The following KIF13A variants were observed in gnomAD, a reference collection of about 807,000 sequenced individuals.
The protein encoded by KIF13A is kinesin family member 13A, also known as kinesin-like protein KIF13A.
A neutral mutation model predicts 212.2 loss-of-function variants in KIF13A; 79 were observed. The observed-to-expected ratio is 0.37, with a 90% confidence interval of 0.31 to 0.45. The LOEUF (loss-of-function observed/expected upper bound fraction) is 0.45, where lower values mean the gene tolerates loss of function less well. KIF13A is among the 20% of genes least tolerant of loss of function. KIF13A has a pLI of 1.00. For synonymous variants in KIF13A, 789 were observed against 808.6 expected (o/e 0.98, Z 0.41); for missense variants, 1,901 against 2,209.0 (o/e 0.86, Z 2.79).
Position 17,780,918 on chromosome 6 carries a change from G to A in KIF13A, c.3670-12C>T. The A allele has an allele frequency of 1.2e-6, 2 of 1,608,850 alleles. No individual in the cohort carries two copies. ...GCTGTGGCTGAAACCTAGGAGTTGG[G>A]GAATGATGAGGAGATGGAAACAAGA... On this transcript the variant is annotated splice_polypyrimidine_tract_variant and intron_variant, in intron 30 of 38. Coordinates refer to ENST00000259711, the MANE Select transcript of KIF13A (RefSeq NM_022113.6).
intron 4 of KIF13A, among the ~76,000 whole-genome samples, chr6:17,866,179 T>C (rs1307951692): frequency 1.3e-5 from 2 of 152,170 alleles, no homozygotes; most frequent in African/African-American, 4.8e-5. Context: ...CCCCTCTCTC[T>C]GACAAAGAAG....
chr6:17,954,264 A>C (rs1210492400), intron 2 of KIF13A, among the ~76,000 whole-genome samples: 2 of 150,040 alleles, frequency 1.3e-5, no homozygotes, highest in Admixed American at 1.3e-4. Context: ...AGGTGGCACC[A>C]CTGCACTCCA....
intron 2 of KIF13A, among the ~76,000 whole-genome samples, chr6:17,946,995 TTTA>T (rs1171012301): frequency 1.3e-5 from 2 of 152,242 alleles, no homozygotes; most frequent in African/African-American, 4.8e-5. Flanking sequence ...TGGGTGAATT[TTTA>T]TTATATGTAA....
At chr6:17,964,477 T>C (rs892774009) in intron 2 of KIF13A, among the ~76,000 whole-genome samples, 1 of 152,032 alleles carries the variant, frequency 6.6e-6, no homozygotes, top group Non-Finnish European at 1.5e-5. Context: ...AAAATTAAAA[T>C]AAGTACTAAA....
rs1171184593 is a variant in KIF13A at position 17,825,677 on chromosome 6, C to T, written c.1786+91G>A. On this transcript the variant is annotated intron_variant, in intron 16 of 38. Transcript: ENST00000259711. The surrounding 1 kb of genome is among the most constrained non-coding windows in gnomAD (Gnocchi z 4.5). ...TTTTATGTGTTTAAAATGTGGAATG[C>T]GGAATGACACCTGATGCATGCTTAT... 1.2e-5 allele frequency: 14 copies of T among 1,213,178 alleles called. No individual in the cohort carries two copies. Among genetic ancestry groups the T allele is most frequent in the African/African-American group, 1.5e-5 (1 of 65,544 alleles). 75.2% of individuals were successfully genotyped at this position (1,213,178 alleles called of 1,614,324 possible). A position where few individuals can be genotyped will look rare whatever the true frequency, so the allele number is the denominator to read the frequency against.
Position 17,816,052 on chromosome 6 carries a change from C to T in KIF13A, c.2000+968G>A, listed in dbSNP as rs965823680. ...CCTCCCAAGTAGCTGGGATTACAGG[C>T]GCCTGCCACCATGCGCTGCTATTTT... On this transcript the variant is annotated intron_variant, in intron 17 of 38. Transcript: ENST00000259711. This position sits in a 1 kb window ranked among gnomAD's most constrained non-coding sequence, Gnocchi z 4.3. Among the ~76,000 whole-genome samples, 18 of 151,780 alleles carry T rather than the reference C, an allele frequency of 1.2e-4. No homozygotes were observed. Among genetic ancestry groups the T allele is most frequent in the South Asian group, 2.1e-4 (1 of 4,800 alleles).
At chr6:17,894,892 T>C (rs1004933628) in intron 3 of KIF13A, among the ~76,000 whole-genome samples, 1 of 152,142 alleles carries the variant, frequency 6.6e-6, no homozygotes, top group African/African-American at 2.4e-5. Context: ...ATCCCAGGGA[T>C]TGATAGAAAG....
At chr6:17,778,163 TA>T (rs1760169606) in intron 33 of KIF13A, among the ~76,000 whole-genome samples, 1 of 151,968 alleles carries the variant, frequency 6.6e-6, no homozygotes, top group African/African-American at 2.4e-5. Context: ...AATAAATAAA[TA>T]AAACCAGGAA....
At chr6:17,970,852 T>C (rs888926949) in intron 2 of KIF13A, among the ~76,000 whole-genome samples, 17 of 152,214 alleles carry the variant, frequency 1.1e-4, no homozygotes, top group African/African-American at 4.1e-4. Context: ...CAACACTTGA[T>C]AGTGCTTTAC....
intron 6 of KIF13A, among the ~76,000 whole-genome samples, chr6:17,853,016 C>T (rs922696818): frequency 6.6e-6 from 1 of 152,138 alleles, no homozygotes; most frequent in Non-Finnish European, 1.5e-5. Flanking sequence ...ATATTGTGCA[C>T]ACCATCTTTT....
In KIF13A at chr6:17,783,848, C is replaced by A; in HGVS notation, c.3489-147G>T. On this transcript the variant is annotated intron_variant, in intron 28 of 38. Coordinates refer to ENST00000259711, the MANE Select transcript of KIF13A (RefSeq NM_022113.6). The surrounding 1 kb of genome is among the most constrained non-coding windows in gnomAD (Gnocchi z 4.3). ...GAAATACTTTCATATTTCTTGACTT[C>A]CCTGTAGACATAAATCATGGGAATT... is the stretch of plus-strand genomic sequence containing the variant. The A allele has an allele frequency of 1.6e-6, 1 of 641,168 alleles. No individual in the cohort carries two copies. Among genetic ancestry groups the A allele is most frequent in the Non-Finnish European group, 2.8e-6 (1 of 359,620 alleles). The allele number at this position is 641,168 out of a possible 1,614,324, so 39.7% of individuals were successfully genotyped here.
At position 17,971,365 on chromosome 6, in the gene KIF13A, C is replaced by A. The variant is rs1475874584; in HGVS notation, c.146+15689G>T. On this transcript the variant is annotated intron_variant, in intron 2 of 38. Coordinates refer to ENST00000259711, the MANE Select transcript of KIF13A (RefSeq NM_022113.6). The surrounding 1 kb of genome is among the most constrained non-coding windows in gnomAD (Gnocchi z 4.2). The stretch of plus-strand genomic sequence containing the variant: ...CTGAGATTATGTCCTTTCTCCTATT[C>A]TGGTGTTAAGCTGACCTCTATTTTA... Among the ~76,000 whole-genome samples the A allele has an allele frequency of 6.6e-6, 1 of 152,156 alleles. No individual in the cohort carries two copies. Among genetic ancestry groups the A allele is most frequent in the Non-Finnish European group, 1.5e-5 (1 of 68,028 alleles).
chr6:17,896,585 T>A (rs1772587490), intron 3 of KIF13A, among the ~76,000 whole-genome samples: 1 of 152,180 alleles, frequency 6.6e-6, no homozygotes, highest in Non-Finnish European at 1.5e-5. Context: ...CATATACACA[T>A]TGTTTAACAT....
At chr6:17,950,486 T>TA in intron 2 of KIF13A, 1 of 985,188 alleles carries the variant, frequency 1.0e-6, no homozygotes, top group Non-Finnish European at 1.2e-6. Context: ...TTTACCTTCT[T>TA]ACACTCTTTA....
At position 17,768,963 on chromosome 6, in the gene KIF13A, T is replaced by G. The variant is rs567363609; in HGVS notation, c.4581+2151A>C. On this transcript the variant is annotated intron_variant, in intron 38 of 38. Transcript: ENST00000259711. The surrounding 1 kb of genome is among the most constrained non-coding windows in gnomAD (Gnocchi z 5.4). ...AAAATATTGCTTAAAGAATCAAGCA[T>G]AGCCATGTTTACTATATTTTATGTG... 1.3e-5 allele frequency among the ~76,000 whole-genome samples: 2 copies of G among 150,260 alleles called. No homozygotes were observed. Among genetic ancestry groups the G allele is most frequent in the South Asian group, 4.2e-4 (2 of 4,724 alleles).
chr6:17,926,863 C>T lies in KIF13A; in HGVS notation c.147-28683G>A, dbSNP rs188244687. 3.3e-5 allele frequency among the ~76,000 whole-genome samples: 5 copies of T among 152,054 alleles called. No individual in the cohort carries two copies. Among genetic ancestry groups the T allele is most frequent in the Non-Finnish European group, 7.4e-5 (5 of 68,026 alleles). On this transcript the variant is annotated intron_variant, in intron 2 of 38. Coordinates refer to ENST00000259711, the MANE Select transcript of KIF13A (RefSeq NM_022113.6). The surrounding 1 kb of genome is among the most constrained non-coding windows in gnomAD (Gnocchi z 4.3). ...AAAAGAAGAGAAAGCAGGGACTGGGCGCGGTGGCTCATACCTGTAATCTCG... is the reference window on the plus strand; with the variant it reads ...AAAAGAAGAGAAAGCAGGGACTGGGTGCGGTGGCTCATACCTGTAATCTCG...
chr6:17,822,043 C>CCTTTT, intron 16 of KIF13A: 1 of 585,334 alleles, frequency 1.7e-6, no homozygotes, highest in Non-Finnish European at 2.7e-6. Flanking sequence ...AACATAACTT[C>CCTTTT]TTTTTTTTTT....
intron 4 of KIF13A, among the ~76,000 whole-genome samples, chr6:17,860,465 G>A (rs1402675229): frequency 6.6e-6 from 1 of 152,002 alleles, no homozygotes; most frequent in Non-Finnish European, 1.5e-5. Flanking sequence ...CTGGGATTAC[G>A]TGTGAGCCAC....
Position 17,856,219 on chromosome 6 carries a change from T to C in KIF13A, c.221-97A>G. 2.3e-6 allele frequency: 2 copies of C among 868,320 alleles called. No homozygotes were observed. Among genetic ancestry groups the C allele is most frequent in the Non-Finnish European group, 3.7e-6 (2 of 547,342 alleles). The allele number at this position is 868,320 out of a possible 1,614,324, so 53.8% of individuals were successfully genotyped here. Reference sequence around the variant, plus strand: ...ATATTATGTCAATTCAAAAAAATGTTAAAAGTGTAGTACCGAGTGCCCACT... The same window carrying C: ...ATATTATGTCAATTCAAAAAAATGTCAAAAGTGTAGTACCGAGTGCCCACT... On this transcript the variant is annotated intron_variant, in intron 4 of 38. Coordinates refer to ENST00000259711, the MANE Select transcript of KIF13A (RefSeq NM_022113.6). This position sits in a 1 kb window ranked among gnomAD's most constrained non-coding sequence, Gnocchi z 4.5.
Sources: allele counts gnomAD v4.1 joint callset (sites outside exome capture counted in the v4.1 genomes callset), GRCh38; gene constraint gnomAD v4.1.1; non-coding constraint Gnocchi (gnomAD v3.1); transcripts MANE v1.5; gene names NCBI Gene and HGNC (gene_info 2026-07-23, HGNC 2026-07-21).